Variants in TMCC1 observed in about 807,000 individuals in gnomAD.
The protein encoded by TMCC1 is transmembrane and coiled-coil domain family 1, also known as transmembrane and coiled-coil domains protein 1.
In TMCC1, 15 loss-of-function variants were observed where a neutral mutation model predicts 52.4. The observed-to-expected ratio is 0.29, with a 90% CI of 0.19 to 0.44. The LOEUF is 0.44. Ranked by LOEUF, TMCC1 falls within the 20% of genes least tolerant of loss-of-function variation. The probability of loss-of-function intolerance (pLI) is 1.00; values close to 1 mark genes in which losing one functional copy is unlikely to be tolerated. For synonymous variants in TMCC1, 279 were observed against 301.9 expected (o/e 0.92, Z 0.79); for missense variants, 503 against 806.0 (o/e 0.62, Z 4.55).
chr3:129,823,552 C>T lies in TMCC1; in HGVS notation c.576+4251G>A, dbSNP rs907755845. Among the ~76,000 whole-genome samples the T allele has an allele frequency of 2.0e-5, 3 of 152,088 alleles. No individual in the cohort carries two copies. The East Asian group carries it at 5.8e-4, about 29-fold the overall frequency. On this transcript the variant is annotated intron_variant, in intron 4 of 6. Transcript: ENST00000393238. ...AAAATAAGTCAATTTTTAACAAACACCGACTTAGTTCAACATTGGGCTAAC... is the reference window on the plus strand; with the variant it reads ...AAAATAAGTCAATTTTTAACAAACATCGACTTAGTTCAACATTGGGCTAAC...
intron 4 of TMCC1, among the ~76,000 whole-genome samples, chr3:129,775,459 C>G (rs889394338): frequency 3.3e-5 from 5 of 151,752 alleles, no homozygotes; most frequent in African/African-American, 9.7e-5. Context: ...AGGGCAAGAC[C>G]CTGTCTCGAA....
In TMCC1 at chr3:129,866,444, C is replaced by G. The variant is rs1017176725; in HGVS notation, c.-184+13865G>C. On this transcript the variant is annotated intron_variant, in intron 2 of 6. Coordinates refer to ENST00000393238, the MANE Select transcript of TMCC1 (RefSeq NM_001017395.5). ...CCAGGCTGGAGTGCAATGGCTCGAT[C>G]TCAGCTCACCGCAACCTCTGCCTCC... Among the ~76,000 whole-genome samples, 9 of 145,080 alleles carry G rather than the reference C, an allele frequency of 6.2e-5. No homozygotes were observed. In the Admixed American group the frequency reaches 6.3e-4, roughly 10 times the overall value.
At chr3:129,809,736 T>C (rs1576935024) in intron 4 of TMCC1, among the ~76,000 whole-genome samples, 1 of 152,196 alleles carries the variant, frequency 6.6e-6, no homozygotes, top group South Asian at 2.1e-4. Context: ...CAAAAAAGAA[T>C]AGCTTTTGGT....
chr3:129,884,985 A>G (rs1325424496), intron 1 of TMCC1, among the ~76,000 whole-genome samples: 2 of 151,894 alleles, frequency 1.3e-5, no homozygotes, highest in Non-Finnish European at 2.9e-5. Flanking sequence ...CAAAAAATGC[A>G]AAAATTAGCC....
Position 129,794,983 on chromosome 3 carries a change from A to G in TMCC1, c.576+32820T>C, listed in dbSNP as rs187238496. 2.6e-5 allele frequency among the ~76,000 whole-genome samples: 4 copies of G among 151,656 alleles called. No individual in the cohort carries two copies. The East Asian group carries it at 7.8e-4, about 30-fold the overall frequency. ...TACCAGCTCCCTGCTCAAGAAGGAA[A>G]CTCCTCCCAGCTGGGCTCGGCAGCT... On this transcript the variant is annotated intron_variant, in intron 4 of 6. Transcript: ENST00000393238.
chr3:129,849,882 GATTATAA>G (rs3993142), intron 2 of TMCC1, among the ~76,000 whole-genome samples: 95,200 of 151,058 alleles, frequency 0.63, 35,191 homozygotes, highest in Non-Finnish European at 0.83. Flanking sequence ...TTTAATTCAA[GATTATAA>G]ATTATATTTC....
intron 1 of TMCC1, among the ~76,000 whole-genome samples, chr3:129,884,513 T>G (rs1175210280): frequency 6.6e-6 from 1 of 152,054 alleles, no homozygotes; most frequent in African/African-American, 2.4e-5. Flanking sequence ...CATGCTTGTC[T>G]TCCACAAACT....
At chr3:129,697,346 C>T (rs778691878) in intron 4 of TMCC1, among the ~76,000 whole-genome samples, 2 of 152,172 alleles carry the variant, frequency 1.3e-5, no homozygotes. Flanking sequence ...TATCTTGGCC[C>T]TTTTTAGTTA....
intron 2 of TMCC1, among the ~76,000 whole-genome samples, chr3:129,844,288 GAAT>G (rs1375024611): frequency 1.3e-5 from 2 of 151,926 alleles, no homozygotes; most frequent in Non-Finnish European, 1.5e-5. Flanking sequence ...AATCGAGAAG[GAAT>G]AATATTATAG....
At chr3:129,827,178 T>C (rs1183688212) in intron 4 of TMCC1, among the ~76,000 whole-genome samples, 2 of 152,236 alleles carry the variant, frequency 1.3e-5, no homozygotes, top group Non-Finnish European at 2.9e-5. Context: ...AGCAGGACTA[T>C]TTCTTCTATG....
At chr3:129,836,240 G>GA (rs1349958338) in intron 2 of TMCC1, among the ~76,000 whole-genome samples, 8 of 152,042 alleles carry the variant, frequency 5.3e-5, no homozygotes, top group Non-Finnish European at 1.0e-4. Flanking sequence ...AGAAGTGGGA[G>GA]AAAAAATCCA....
chr3:129,824,539 T>G (rs1560494532), intron 4 of TMCC1, among the ~76,000 whole-genome samples: 1 of 152,202 alleles, frequency 6.6e-6, no homozygotes, highest in Non-Finnish European at 1.5e-5. Flanking sequence ...GAATACATAT[T>G]TATATTAAAG....
chr3:129,792,365 T>A (rs1283159399), intron 4 of TMCC1, among the ~76,000 whole-genome samples: 4 of 152,076 alleles, frequency 2.6e-5, no homozygotes, highest in African/African-American at 7.2e-5. Context: ...TATTTTTTTT[T>A]AAGACGGAGT....
intron 4 of TMCC1, among the ~76,000 whole-genome samples, chr3:129,722,620 A>G (rs1475803145): frequency 2.6e-5 from 4 of 152,180 alleles, no homozygotes; most frequent in Non-Finnish European, 4.4e-5. Context: ...CCACCTGACT[A>G]TCAATAATGG....
At chr3:129,853,003 T>C (rs1276102413) in intron 2 of TMCC1, among the ~76,000 whole-genome samples, 2 of 152,186 alleles carry the variant, frequency 1.3e-5, no homozygotes, top group Non-Finnish European at 2.9e-5. Context: ...CCTTAATTAT[T>C]TGCCAACACA....
At chr3:129,753,860 A>C (rs926746613) in intron 4 of TMCC1, among the ~76,000 whole-genome samples, 1 of 152,052 alleles carries the variant, frequency 6.6e-6, no homozygotes, top group African/African-American at 2.4e-5. Flanking sequence ...AGGCAGGAAA[A>C]ATAAATAGAA....
At chr3:129,792,513 G>T (rs1470142317) in intron 4 of TMCC1, among the ~76,000 whole-genome samples, 1 of 151,972 alleles carries the variant, frequency 6.6e-6, no homozygotes, top group Admixed American at 6.6e-5. Flanking sequence ...ACCATGCCCG[G>T]TTTATTTTTA....
intron 4 of TMCC1, among the ~76,000 whole-genome samples, chr3:129,723,721 G>A (rs1208885805): frequency 2.9e-4 from 44 of 152,190 alleles, no homozygotes; most frequent in Non-Finnish European, 7.4e-5. Flanking sequence ...GAACAACTAG[G>A]AAACACATAT....
At chr3:129,690,821 G>A (rs2046982393) in intron 4 of TMCC1, among the ~76,000 whole-genome samples, 2 of 152,146 alleles carry the variant, frequency 1.3e-5, no homozygotes, top group South Asian at 4.1e-4. Flanking sequence ...TAAAAGTAAT[G>A]ATTTTATCTT....
Sources: allele counts gnomAD v4.1 joint callset (sites outside exome capture counted in the v4.1 genomes callset), GRCh38; gene constraint gnomAD v4.1.1; transcripts MANE v1.5; gene names NCBI Gene and HGNC (gene_info 2026-07-23, HGNC 2026-07-21).